PPP2R2B: variants seen among roughly 807,000 people sequenced by gnomAD.
PPP2R2B encodes protein phosphatase 2 regulatory subunit Bbeta.
A neutral mutation model predicts 46.0 loss-of-function variants in PPP2R2B; 5 were observed. The ratio of observed to expected loss-of-function variants is 0.11; its 90% CI spans 0.06 to 0.23. PPP2R2B has a LOEUF of 0.23. Ranked by LOEUF, PPP2R2B falls within the 10% of genes least tolerant of loss-of-function variation. The pLI is 1.00. For missense variants in PPP2R2B, 367 were observed against 575.0 expected (o/e 0.64, Z 3.70); for synonymous variants, 215 against 206.7 (o/e 1.04, Z -0.34).
chr5:146,882,431 G>A (rs766750057), upstream of PPP2R2B, among the ~76,000 whole-genome samples: 59 of 152,168 alleles, frequency 3.9e-4, no homozygotes, highest in Non-Finnish European at 7.1e-4. Context: ...ATAGTGCAAT[G>A]TTAAGTGCCA....
intron 2 of PPP2R2B, among the ~76,000 whole-genome samples, chr5:146,809,084 A>T (rs1210037709): frequency 6.6e-6 from 1 of 151,922 alleles, no homozygotes; most frequent in Non-Finnish European, 1.5e-5. Context: ...CTTGCCTAGA[A>T]ATTATGTATT....
At chr5:147,032,095 C>A (rs1220047392) in intron 1 of PPP2R2B, among the ~76,000 whole-genome samples, 3 of 152,126 alleles carry the variant, frequency 2.0e-5, no homozygotes, top group Non-Finnish European at 4.4e-5. Flanking sequence ...GAACAGTCAG[C>A]AGAGTAAACA....
intron 2 of PPP2R2B, among the ~76,000 whole-genome samples, chr5:146,875,395 G>C (rs1466645186): frequency 6.6e-6 from 1 of 152,142 alleles, no homozygotes; most frequent in Non-Finnish European, 1.5e-5. Flanking sequence ...GAAAGACAGA[G>C]AGAGAGAAAG....
intron 6 of PPP2R2B, among the ~76,000 whole-genome samples, chr5:146,642,295 T>A (rs1308642428): frequency 6.6e-6 from 1 of 151,920 alleles, no homozygotes; most frequent in Non-Finnish European, 1.5e-5. Flanking sequence ...TTCAAACAAA[T>A]GGGAAGCCAG....
chr5:146,865,368 T>C (rs1017480772), intron 2 of PPP2R2B, among the ~76,000 whole-genome samples: 1 of 152,038 alleles, frequency 6.6e-6, no homozygotes, highest in Non-Finnish European at 1.5e-5. Flanking sequence ...AAAATGTTTA[T>C]AATGACTGTC....
At chr5:146,720,238 G>A (rs1780720083) in intron 2 of PPP2R2B, among the ~76,000 whole-genome samples, 2 of 152,104 alleles carry the variant, frequency 1.3e-5, no homozygotes, top group African/African-American at 4.8e-5. Flanking sequence ...AGTATGGAAT[G>A]AAAAAACAGT....
At chr5:146,728,091 T>TA (rs1454452985) in intron 2 of PPP2R2B, among the ~76,000 whole-genome samples, 1 of 150,192 alleles carries the variant, frequency 6.7e-6, no homozygotes, top group Admixed American at 6.7e-5. Context: ...TCACTCACTT[T>TA]AAAAAACTTT....
intron 1 of PPP2R2B, among the ~76,000 whole-genome samples, chr5:147,003,271 C>A (rs1435761187): frequency 1.3e-5 from 2 of 152,000 alleles, no homozygotes; most frequent in Non-Finnish European, 2.9e-5. Context: ...CTCCCCCACC[C>A]AGAAGGAAAT....
rs1770173590 is a variant in PPP2R2B, at chr5:146,586,553, G to T, written c.*3394C>A. The T allele has an allele frequency of 6.6e-6, 1 of 152,176 alleles. No individual in the cohort carries two copies. Among genetic ancestry groups the T allele is most frequent in the African/African-American group, 2.4e-5 (1 of 41,448 alleles). The allele number at this position is 152,176 out of a possible 1,614,324, so 9.4% of individuals were successfully genotyped here. On this transcript the variant is annotated 3_prime_UTR_variant, in exon 10 of 10. Transcript: ENST00000394411. ...ATAATGGACCCTAGAATATTCAAAGGAAGTTTAGTGGAGATAGCTGACTTA... is the reference window on the plus strand; with the variant it reads ...ATAATGGACCCTAGAATATTCAAAGTAAGTTTAGTGGAGATAGCTGACTTA...
intron 4 of PPP2R2B, among the ~76,000 whole-genome samples, chr5:146,697,634 G>A (rs143835053): frequency 6.6e-6 from 1 of 152,274 alleles, no homozygotes; most frequent in East Asian, 1.9e-4. Flanking sequence ...CACAGAGACA[G>A]CATGTTGAGT....
intron 2 of PPP2R2B, among the ~76,000 whole-genome samples, chr5:146,719,778 G>T (rs1224608125): frequency 2.4e-4 from 36 of 151,964 alleles, no homozygotes; most frequent in South Asian, 4.2e-4. Context: ...CCACACAAAG[G>T]TTTCCAACAT....
In PPP2R2B at chr5:146,856,341, C is replaced by T. The variant is rs1903037; in HGVS notation, c.70+21661G>A. Reference sequence around the variant, plus strand: ...TAACTATTTAAAAAATGTAAATTAACTTGTGTCCTACGGAACAAATTTTAA... The same window carrying T: ...TAACTATTTAAAAAATGTAAATTAATTTGTGTCCTACGGAACAAATTTTAA... On this transcript the variant is annotated intron_variant, in intron 2 of 9. Transcript: ENST00000394411. Among the ~76,000 whole-genome samples, 806 of 152,240 alleles carry T rather than the reference C, an allele frequency of 5.3e-3. 6 individuals carry two copies. The highest frequency in any genetic ancestry group is 0.018 in the African/African-American group (762 of 41,532).
rs538306555 is a variant in PPP2R2B at position 146,814,191 on chromosome 5, T to TAAA, written c.70+63808_70+63810dup. 4.8e-4 allele frequency among the ~76,000 whole-genome samples: 60 copies of TAAA among 124,494 alleles called. 1 individual carries two copies. In the South Asian group the frequency reaches 0.015, roughly 31 times the overall value. The allele number at this position is 124,494 out of a possible 152,430, so 81.7% of individuals were successfully genotyped here. Reference sequence around the variant, plus strand: ...AAATACTGAAGGTAGAGAAAACAGCTAAAAAAAAAAAAAAACCCTCCATAT... The same window carrying TAAA: ...AAATACTGAAGGTAGAGAAAACAGCTAAAAAAAAAAAAAAAAAACCCTCCATAT... On this transcript the variant is annotated intron_variant, in intron 2 of 9. Transcript: ENST00000394411.
intron 5 of PPP2R2B, among the ~76,000 whole-genome samples, chr5:146,686,968 T>C (rs1425742500): frequency 6.6e-6 from 1 of 151,838 alleles, no homozygotes; most frequent in African/African-American, 2.4e-5. Flanking sequence ...CTCAAGGCCT[T>C]TGTTTCTCCA....
chr5:147,014,872 C>G (rs1754923820), intron 1 of PPP2R2B, among the ~76,000 whole-genome samples: 1 of 151,432 alleles, frequency 6.6e-6, no homozygotes, highest in Non-Finnish European at 1.5e-5. Flanking sequence ...TACCCTAAAA[C>G]TTAAAAGTAT....
intron 6 of PPP2R2B, among the ~76,000 whole-genome samples, chr5:146,642,478 A>T (rs760983841): frequency 1.2e-4 from 19 of 152,360 alleles, no homozygotes; most frequent in Non-Finnish European, 2.6e-4. Flanking sequence ...CAACTTAAAT[A>T]AATATACAGA....
At chr5:146,864,721 G>A (rs957159151) in intron 2 of PPP2R2B, among the ~76,000 whole-genome samples, 4 of 152,132 alleles carry the variant, frequency 2.6e-5, no homozygotes, top group African/African-American at 4.8e-5. Context: ...AGAAAGGGTC[G>A]AAGTACCTGG....
In PPP2R2B at chr5:147,029,317, A is replaced by G. The variant is rs368399583; in HGVS notation, c.79+26348T>C. Among the ~76,000 whole-genome samples the G allele has an allele frequency of 1.5e-4, 23 of 152,284 alleles. No homozygotes were observed. The South Asian group carries it at 4.4e-3, about 29-fold the overall frequency. ...TAAACATTTCATCTGAAATTGCTTTATGTGCCTGTGGTAGGGACCAAGATT... is the reference window on the plus strand; with the variant it reads ...TAAACATTTCATCTGAAATTGCTTTGTGTGCCTGTGGTAGGGACCAAGATT... On this transcript the variant is annotated intron_variant, in intron 1 of 8. Transcript: ENST00000336640.
chr5:146,676,642 A>G (rs1459547665), intron 5 of PPP2R2B, among the ~76,000 whole-genome samples: 1 of 152,092 alleles, frequency 6.6e-6, no homozygotes, highest in East Asian at 1.9e-4. Flanking sequence ...CCTTTCCTCT[A>G]GAGGCCCCAT....
Sources: allele counts gnomAD v4.1 joint callset (sites outside exome capture counted in the v4.1 genomes callset), GRCh38; gene constraint gnomAD v4.1.1; transcripts MANE v1.5; gene names NCBI Gene and HGNC (gene_info 2026-07-23, HGNC 2026-07-21).